The following DENND1A variants were observed in gnomAD, a reference collection of about 807,000 sequenced individuals.
DENND1A encodes DENN domain containing 1A, also known as DENN domain-containing protein 1A.
A neutral mutation model predicts 113.7 loss-of-function variants in DENND1A; 51 were observed. That is an observed-to-expected ratio of 0.45 (90% CI 0.36 to 0.57). The LOEUF is 0.57. DENND1A is among the 20% of genes least tolerant of loss of function. DENND1A has a pLI of 0.00. For synonymous variants in DENND1A, 565 were observed against 570.8 expected (o/e 0.99, Z 0.14); for missense variants, 1,258 against 1,395.9 (o/e 0.90, Z 1.57).
chr9:123,436,816 C>T (rs953998238), intron 19 of DENND1A, among the ~76,000 whole-genome samples: 1 of 151,672 alleles, frequency 6.6e-6, no homozygotes, highest in Non-Finnish European at 1.5e-5. Context: ...GGTGCGATCT[C>T]AGCTCACTGC....
chr9:123,883,976 G>C (rs1269441125), intron 1 of DENND1A, among the ~76,000 whole-genome samples: 1 of 151,928 alleles, frequency 6.6e-6, no homozygotes, highest in Admixed American at 6.6e-5. Flanking sequence ...TATGGAAGAA[G>C]TGGTGAGTAA....
rs561184635 is a variant in DENND1A, at chr9:123,761,420, A to G, written c.183-3598T>C. Among the ~76,000 whole-genome samples the G allele has an allele frequency of 4.6e-5, 7 of 152,364 alleles. No individual in the cohort carries two copies. The East Asian group carries it at 7.7e-4, about 17-fold the overall frequency. On this transcript the variant is annotated intron_variant, in intron 4 of 23. Transcript: ENST00000394215. ...GCCAACTGTGAAAACTAAAACTCACATTAAAAACTAGGCCTTTGCTTAGAA... is the reference window on the plus strand; with the variant it reads ...GCCAACTGTGAAAACTAAAACTCACGTTAAAAACTAGGCCTTTGCTTAGAA...
chr9:123,770,114 T>A (rs2131631418), intron 3 of DENND1A, among the ~76,000 whole-genome samples: 1 of 152,294 alleles, frequency 6.6e-6, no homozygotes, highest in South Asian at 2.1e-4. Flanking sequence ...TTTACTTACT[T>A]TACAAAGAAG....
rs2067302776 is a variant in DENND1A, at chr9:123,721,081, C to T, written c.302+36622G>A. 2.0e-5 allele frequency among the ~76,000 whole-genome samples: 3 copies of T among 152,340 alleles called. No individual in the cohort carries two copies. In the East Asian group the frequency reaches 5.8e-4, roughly 29 times the overall value. ...CTCTCCACACCCACTCTTCCCCTCC[C>T]TCTCTGCCCCAATGCAGATCCCCAC... On this transcript the variant is annotated intron_variant, in intron 5 of 23. Transcript: ENST00000394215.
At chr9:123,556,916 C>T (rs975901566) in intron 13 of DENND1A, among the ~76,000 whole-genome samples, 2 of 152,342 alleles carry the variant, frequency 1.3e-5, no homozygotes, top group Admixed American at 1.3e-4. Flanking sequence ...CACATCCTTG[C>T]AATCACGAGT....
intron 8 of DENND1A, among the ~76,000 whole-genome samples, chr9:123,656,088 G>A (rs981734730): frequency 2.0e-5 from 3 of 152,256 alleles, no homozygotes; most frequent in African/African-American, 7.2e-5. Flanking sequence ...TGACGGATAT[G>A]CAGGGGAAGG....
chr9:123,626,876 A>AC (rs1211673004), intron 10 of DENND1A, among the ~76,000 whole-genome samples: 2 of 152,174 alleles, frequency 1.3e-5, no homozygotes, highest in East Asian at 3.8e-4. Context: ...CCCTCAGGAG[A>AC]CAGCACCCAG....
intron 11 of DENND1A, among the ~76,000 whole-genome samples, chr9:123,606,788 A>G (rs1375708831): frequency 6.6e-6 from 1 of 152,258 alleles, no homozygotes; most frequent in Non-Finnish European, 1.5e-5. Flanking sequence ...GTGAATGGGA[A>G]CAGTCCTTGT....
At chr9:123,570,985 C>T (rs2058326188) in intron 12 of DENND1A, among the ~76,000 whole-genome samples, 1 of 152,138 alleles carries the variant, frequency 6.6e-6, no homozygotes, top group African/African-American at 2.4e-5. Flanking sequence ...AAATCCATAG[C>T]TAGGGAACAA....
chr9:123,546,372 C>T (rs2056687218), intron 13 of DENND1A, among the ~76,000 whole-genome samples: 1 of 151,402 alleles, frequency 6.6e-6, no homozygotes, highest in Non-Finnish European at 1.5e-5. Flanking sequence ...CACAGTGAAA[C>T]CCCGTCTCTA....
At chr9:123,717,310 T>C (rs1050099613) in intron 5 of DENND1A, among the ~76,000 whole-genome samples, 2 of 152,108 alleles carry the variant, frequency 1.3e-5, no homozygotes, top group African/African-American at 2.4e-5. Flanking sequence ...ATGAATGGGG[T>C]CTATACCATG....
At chr9:123,609,253 C>G (rs2060303992) in intron 11 of DENND1A, among the ~76,000 whole-genome samples, 183 bp downstream of exon 11, 3 of 152,196 alleles carry the variant, frequency 2.0e-5, no homozygotes, top group Admixed American at 1.3e-4. Context: ...AGTGGGAAAA[C>G]CCTGAAAACA....
chr9:123,856,523 G>A (rs1025953861), intron 2 of DENND1A, among the ~76,000 whole-genome samples: 1 of 152,174 alleles, frequency 6.6e-6, no homozygotes, highest in African/African-American at 2.4e-5. Flanking sequence ...AAGATGATCT[G>A]GTGTGAGGTG....
intron 2 of DENND1A, among the ~76,000 whole-genome samples, chr9:123,827,012 C>G (rs1202264907): frequency 6.6e-6 from 1 of 152,042 alleles, no homozygotes; most frequent in Non-Finnish European, 1.5e-5. Flanking sequence ...AAGTATACAT[C>G]TACATGTAGA....
chr9:123,457,667 C>T (rs2048230011), intron 14 of DENND1A, 126 bp downstream of exon 14: 1 of 918,244 alleles, frequency 1.1e-6, no homozygotes, highest in Non-Finnish European at 1.6e-6. Flanking sequence ...AATCCCCCTC[C>T]CCTGAGCCTC....
intron 11 of DENND1A, among the ~76,000 whole-genome samples, chr9:123,584,055 T>C (rs17214465): frequency 0.018 from 2,759 of 152,268 alleles, 36 homozygotes; most frequent in Non-Finnish European, 0.026. Context: ...TTAATCACAC[T>C]ATTTATCCGC....
intron 13 of DENND1A, among the ~76,000 whole-genome samples, chr9:123,490,617 A>T (rs1185896550): frequency 6.6e-6 from 1 of 152,062 alleles, no homozygotes; most frequent in Non-Finnish European, 1.5e-5. Context: ...AAAAACAAAA[A>T]CAAACCAGGA....
At chr9:123,825,118 A>G (rs1839103295) in intron 2 of DENND1A, among the ~76,000 whole-genome samples, 3 of 152,142 alleles carry the variant, frequency 2.0e-5, no homozygotes, top group Admixed American at 6.5e-5. Flanking sequence ...AAAACAAAAA[A>G]GAAGAGAGAG....
intron 13 of DENND1A, among the ~76,000 whole-genome samples, chr9:123,542,560 G>A (rs1001555414): frequency 2.6e-5 from 4 of 152,148 alleles, no homozygotes; most frequent in African/African-American, 4.8e-5. Context: ...AGACAGGAGG[G>A]TGACCTTTGC....
Sources: gnomAD v4.1 joint callset for allele counts (sites outside exome capture counted in the v4.1 genomes callset) on GRCh38, gnomAD v4.1.1 for gene constraint, MANE v1.5 for transcripts, NCBI Gene and HGNC (gene_info 2026-07-23, HGNC 2026-07-21) for gene names.